Variants in SAXO5 observed in about 807,000 individuals in gnomAD.
The protein encoded by SAXO5 is testis expressed 45.
At chr19:7,501,247 G>A in the SAXO5 span, 9 of 1,565,610 alleles carry the variant, frequency 5.7e-6, no homozygotes, top group Non-Finnish European at 6.9e-6. Flanking sequence ...GCGCGCACCC[G>A]AGAGCGGATC....
At chr19:7,506,825 C>T in the SAXO5 span, 1 of 530,100 alleles carries the variant, frequency 1.9e-6, no homozygotes, top group Non-Finnish European at 3.4e-6. Flanking sequence ...TCTTCCCCAG[C>T]GCCTACCTCT....
chr19:7,500,210 C>T, the SAXO5 span, among the ~76,000 whole-genome samples: 7 of 152,108 alleles, frequency 4.6e-5, no homozygotes. Context: ...GTTAGTTCCC[C>T]ACCCCTGCTG....
the SAXO5 span, chr19:7,506,135 C>G: frequency 6.2e-7 from 1 of 1,611,474 alleles, no homozygotes; most frequent in Non-Finnish European, 8.5e-7. Flanking sequence ...CCTCCACTTG[C>G]AGCAAAGCTA....
the SAXO5 span, among the ~76,000 whole-genome samples, chr19:7,498,154 A>AAC: frequency 4.3e-3 from 570 of 133,592 alleles, 2 homozygotes; most frequent in African/African-American, 0.015. Context: ...GTTTCATTAA[A>AAC]ACACACACAC....
chr19:7,501,309 G>T, the SAXO5 span: 7 of 1,571,628 alleles, frequency 4.5e-6, no homozygotes, highest in East Asian at 1.7e-4. Context: ...TGGCGACCGC[G>T]ACAAGTTGCG....
At chr19:7,506,358 G>T in the SAXO5 span, 1 of 307,638 alleles carries the variant, frequency 3.3e-6, no homozygotes, top group South Asian at 5.0e-5. Flanking sequence ...CCCCTCCCCC[G>T]GCTTCATCCC....
chr19:7,501,436 C>A, the SAXO5 span: 1 of 1,443,020 alleles, frequency 6.9e-7, no homozygotes. Flanking sequence ...CGATTTGCTT[C>A]ACATTGTGGT....
chr19:7,508,441 G>C, the SAXO5 span: 1 of 1,602,410 alleles, frequency 6.2e-7, no homozygotes. Context: ...ATGCCATCTT[G>C]GCAACATTCC....
the SAXO5 span, among the ~76,000 whole-genome samples, chr19:7,507,829 A>C: frequency 6.6e-6 from 1 of 151,200 alleles, no homozygotes; most frequent in South Asian, 2.1e-4. Context: ...CCAGAGTTCA[A>C]CCTCCCCAGC....
the SAXO5 span, chr19:7,504,477 G>A: frequency 7.5e-7 from 1 of 1,325,680 alleles, no homozygotes; most frequent in East Asian, 2.3e-5. Flanking sequence ...GGAGGCTGAG[G>A]CAGACAGATC....
chr19:7,505,727 G>C, the SAXO5 span: 2 of 1,173,358 alleles, frequency 1.7e-6, no homozygotes, highest in South Asian at 1.3e-5. Context: ...TGATATGTAT[G>C]CAGGAATCTC....
the SAXO5 span, chr19:7,507,177 C>T: frequency 1.3e-6 from 2 of 1,540,028 alleles, no homozygotes; most frequent in Non-Finnish European, 1.8e-6. Flanking sequence ...CATCATTAGG[C>T]AACCCCCACA....
chr19:7,500,442 C>T, the SAXO5 span, among the ~76,000 whole-genome samples: 747 of 151,736 alleles, frequency 4.9e-3, 3 homozygotes, highest in African/African-American at 0.017. Context: ...GCTGGGACTA[C>T]GGGCGCCCAC....
At chr19:7,501,176 C>G in the SAXO5 span, 1 of 1,517,162 alleles carries the variant, frequency 6.6e-7, no homozygotes, top group Non-Finnish European at 8.8e-7. Flanking sequence ...TGCACGAGGA[C>G]GCGCACGCCG....
the SAXO5 span, chr19:7,501,212 C>T: frequency 5.2e-6 from 8 of 1,544,344 alleles, no homozygotes; most frequent in East Asian, 2.6e-5. Context: ...ACGCGCACGC[C>T]GCCTACGGCT....
the SAXO5 span, among the ~76,000 whole-genome samples, chr19:7,498,323 G>A: frequency 6.6e-6 from 1 of 150,406 alleles, no homozygotes; most frequent in African/African-American, 2.4e-5. Context: ...CGGTTCTCCC[G>A]CCTCAGCCTT....
the SAXO5 span, among the ~76,000 whole-genome samples, chr19:7,498,246 T>A: frequency 6.6e-6 from 1 of 151,898 alleles, no homozygotes; most frequent in Non-Finnish European, 1.5e-5. Context: ...GGTTTCGCTC[T>A]GTCACCCAGG....
At chr19:7,500,555 C>A in the SAXO5 span, among the ~76,000 whole-genome samples, 1 of 152,230 alleles carries the variant, frequency 6.6e-6, no homozygotes, top group South Asian at 2.1e-4. Context: ...GGTGATCCAC[C>A]GGCCTCGGCC....
At chr19:7,508,109 G>A in the SAXO5 span, 9 of 990,730 alleles carry the variant, frequency 9.1e-6, no homozygotes, top group Middle Eastern at 5.5e-4. Flanking sequence ...GCCTGGCCCC[G>A]CCCCCTGACT....
Sources: allele counts gnomAD v4.1 joint callset (sites outside exome capture counted in the v4.1 genomes callset), GRCh38; gene constraint gnomAD v4.1.1; transcripts MANE v1.5; gene names NCBI Gene and HGNC (gene_info 2026-07-23, HGNC 2026-07-21).